The following CFAP47 variants were observed in gnomAD, a reference collection of about 807,000 sequenced individuals.
The protein encoded by CFAP47 is cilia- and flagella-associated protein 47.
In CFAP47, 29 loss-of-function variants were observed where a neutral mutation model predicts 148.1. The observed-to-expected ratio is 0.20, with a 90% CI of 0.15 to 0.27. The LOEUF (loss-of-function observed/expected upper bound fraction) is 0.27. Ranked by LOEUF, CFAP47 falls within the 10% of genes least tolerant of loss-of-function variation. The pLI, the probability that CFAP47 is intolerant of heterozygous loss-of-function variation, is 1.00. For missense variants in CFAP47, 1,872 were observed against 1,697.5 expected, an observed-to-expected ratio of 1.10 and a Z score of -1.81; for synonymous variants, 664 against 577.3, an observed-to-expected ratio of 1.15 and a Z score of -2.15.
chrX:36,184,947 A>G (rs1939790526), intron 40 of CFAP47, among the ~76,000 whole-genome samples: 1 of 111,301 alleles, frequency 9.0e-6, no homozygotes, highest in Admixed American at 9.6e-5. Context: ...AAAAAAAAAA[A>G]AAGAAAGCTG....
intron 1 of CFAP47, among the ~76,000 whole-genome samples, chrX:35,924,446 T>C (rs752245915): frequency 9.4e-6 from 1 of 106,392 alleles, no homozygotes; most frequent in South Asian, 4.1e-4. Flanking sequence ...TATGTACACC[T>C]ATATGTGTAT....
chrX:36,168,627 A>C (rs779501159), intron 39 of CFAP47, among the ~76,000 whole-genome samples: 1 of 110,788 alleles, frequency 9.0e-6, no homozygotes, highest in Admixed American at 9.6e-5. Flanking sequence ...GGGTCTCGCT[A>C]TATTGCCCAG....
At chrX:36,067,659 A>ATT (rs368910671) in intron 27 of CFAP47, among the ~76,000 whole-genome samples, 1,140 of 91,611 alleles carry the variant, frequency 0.012, 23 homozygotes, top group African/African-American at 0.044. Flanking sequence ...GGCCACGGTG[A>ATT]TTTTTTTTTT....
At position 36,074,994 on chromosome X, in the gene CFAP47, A is replaced by G. The variant is rs142207342; in HGVS notation, c.4691+1630A>G. 9.5e-3 allele frequency among the ~76,000 whole-genome samples: 1,049 copies of G among 110,042 alleles called. 8 individuals are homozygous for G. Among genetic ancestry groups the G allele is most frequent in the African/African-American group, 0.033 (994 of 30,295 alleles). ...CTTTTTTAAGGCTGAGGAGTGTTAC[A>G]TTTTCTTTATCCATTCATCTGTTGA... is the stretch of plus-strand genomic sequence containing the variant. On this transcript the variant is annotated intron_variant, in intron 29 of 63. Transcript: ENST00000378653.
chrX:36,145,739 G>A (rs1939224015), intron 36 of CFAP47, among the ~76,000 whole-genome samples: 1 of 110,369 alleles, frequency 9.1e-6, no homozygotes, highest in Non-Finnish European at 1.9e-5. Context: ...TATTTTTGAT[G>A]CAAAACTCAT....
chrX:35,975,084 A>G lies in CFAP47; in HGVS notation c.2255-63A>G, dbSNP rs756598574. 8.5e-5 allele frequency: 57 copies of G among 669,670 alleles called. No homozygotes were observed. The African/African-American group carries it at 1.1e-3, about 13-fold the overall frequency. 55.2% of individuals were successfully genotyped at this position (669,670 alleles called of 1,213,427 possible). On this transcript the variant is annotated intron_variant, in intron 13 of 63. Coordinates refer to ENST00000378653, the MANE Select transcript of CFAP47 (RefSeq NM_001304548.2). ...TGATCAAAATATATTTTGAAAACTT[A>G]AAAAGTAAATGAAGTCATTTGCCAT...
At chrX:35,960,380 G>GGAAAAAAAAAAAAAAA (rs1227681980) in intron 8 of CFAP47, among the ~76,000 whole-genome samples, 2 of 15,491 alleles carry the variant, frequency 1.3e-4, no homozygotes, top group African/African-American at 5.2e-4. Flanking sequence ...GCTAATTTCT[G>GGAAAAAAAAAAAAAAA]AAAAAAAAAA....
Position 36,121,680 on chromosome X carries a change from C to A in CFAP47, c.5321-16278C>A, listed in dbSNP as rs185554684. Reference sequence around the variant, plus strand: ...TAAGAACTCTATGTCTTAACTTCATCCCTCCCCATCTTCTGAACTTTTTAT... The same window carrying A: ...TAAGAACTCTATGTCTTAACTTCATACCTCCCCATCTTCTGAACTTTTTAT... On this transcript the variant is annotated intron_variant, in intron 33 of 63. Transcript: ENST00000378653. Among the ~76,000 whole-genome samples, 19 of 111,164 alleles carry A rather than the reference C, an allele frequency of 1.7e-4. No individual in the cohort carries two copies. The East Asian group carries it at 4.8e-3, about 28-fold the overall frequency.
At chrX:36,383,110 T>C (rs1022190712) in intron 63 of CFAP47, among the ~76,000 whole-genome samples, 8 of 111,438 alleles carry the variant, frequency 7.2e-5, no homozygotes, top group African/African-American at 2.6e-4. Flanking sequence ...ACAACTTCCA[T>C]ACACACACAC....
chrX:36,315,730 T>TC (rs1556010836), intron 56 of CFAP47, among the ~76,000 whole-genome samples: 2 of 111,586 alleles, frequency 1.8e-5, no homozygotes, highest in Non-Finnish European at 3.8e-5. Context: ...CAGTTCCCAT[T>TC]CCCCTGAGCA....
chrX:36,150,436 T>C, intron 37 of CFAP47, among the ~76,000 whole-genome samples: 1 of 112,288 alleles, frequency 8.9e-6, no homozygotes, highest in South Asian at 3.7e-4. Context: ...TAATGAACTT[T>C]AACTAGTCTT....
intron 2 of CFAP47, among the ~76,000 whole-genome samples, chrX:35,937,104 GTTTTTTTTT>G (rs377601530): frequency 5.4e-5 from 3 of 55,543 alleles, no homozygotes; most frequent in South Asian, 1.9e-3. Context: ...TGCAATTGCT[GTTTTTTTTT>G]TTTTTTTTTT....
At chrX:36,199,611 T>C (rs1358586134) in intron 42 of CFAP47, among the ~76,000 whole-genome samples, 2 of 112,034 alleles carry the variant, frequency 1.8e-5, no homozygotes, top group Non-Finnish European at 3.8e-5. Flanking sequence ...GGGTGGCTGA[T>C]ACAAAGTTGT....
chrX:36,127,331 C>G (rs371863699), intron 33 of CFAP47, among the ~76,000 whole-genome samples: 1 of 111,904 alleles, frequency 8.9e-6, no homozygotes, highest in East Asian at 2.8e-4. Context: ...GTTTTCCCAA[C>G]AACATTTATT....
intron 61 of CFAP47, among the ~76,000 whole-genome samples, chrX:36,366,138 T>G (rs868979787): frequency 8.9e-5 from 10 of 111,765 alleles, no homozygotes; most frequent in Middle Eastern, 4.6e-3. Flanking sequence ...TAGTCCCACC[T>G]AAGAAGAGTA....
chrX:36,186,381 C>A (rs1449109007), intron 40 of CFAP47, among the ~76,000 whole-genome samples: 4 of 111,380 alleles, frequency 3.6e-5, no homozygotes, highest in African/African-American at 1.3e-4. Flanking sequence ...CAAAAAACAG[C>A]AAATATTTCA....
At chrX:36,237,250 C>T (rs1940479713) in intron 48 of CFAP47, among the ~76,000 whole-genome samples, 1 of 112,259 alleles carries the variant, frequency 8.9e-6, no homozygotes, top group African/African-American at 3.2e-5. Context: ...TATCATTTAC[C>T]AGTGTAAATA....
chrX:36,259,682 A>G (rs1940793949), intron 49 of CFAP47, among the ~76,000 whole-genome samples: 1 of 110,358 alleles, frequency 9.1e-6, no homozygotes, highest in African/African-American at 3.3e-5. Flanking sequence ...ACTCTACCAC[A>G]TTGTCTCTTT....
intron 26 of CFAP47, among the ~76,000 whole-genome samples, chrX:36,064,303 A>G (rs1159637604): frequency 8.9e-6 from 1 of 111,859 alleles, no homozygotes; most frequent in Non-Finnish European, 1.9e-5. Flanking sequence ...ATGAAATGTA[A>G]TCCTGAATAA....
Sources: allele counts gnomAD v4.1 joint callset (sites outside exome capture counted in the v4.1 genomes callset), GRCh38; gene constraint gnomAD v4.1.1; transcripts MANE v1.5; gene names NCBI Gene and HGNC (gene_info 2026-07-23, HGNC 2026-07-21).